Variants in ABL1 observed in about 807,000 individuals in gnomAD.
The protein encoded by ABL1 is tyrosine-protein kinase ABL1.
A neutral mutation model predicts 94.7 loss-of-function variants in ABL1; 11 were observed. The observed-to-expected ratio is 0.12, with a 90% CI of 0.07 to 0.19. The LOEUF is 0.19. Ranked by LOEUF, ABL1 falls within the 10% of genes least tolerant of loss-of-function variation. The pLI, the probability that ABL1 is intolerant of heterozygous loss-of-function variation, is 1.00. For missense variants in ABL1, 1,082 were observed against 1,489.4 expected, an observed-to-expected ratio of 0.73 and a Z score of 4.50; for synonymous variants, 656 against 622.4, an observed-to-expected ratio of 1.05 and a Z score of -0.80.
At chr9:130,766,873 C>A (rs1330319988) in intron 1 of ABL1, among the ~76,000 whole-genome samples, 1 of 152,212 alleles carries the variant, frequency 6.6e-6, no homozygotes, top group Non-Finnish European at 1.5e-5. Context: ...TAGAAACTTA[C>A]ATCAGATCTT....
intron 1 of ABL1, among the ~76,000 whole-genome samples, chr9:130,726,196 A>G (rs1275365248): frequency 9.4e-6 from 1 of 106,252 alleles, no homozygotes; most frequent in African/African-American, 5.3e-5. Flanking sequence ...TGCATACAGA[A>G]AGGGGCACAA....
At chr9:130,735,414 C>T (rs1240386460) in intron 1 of ABL1, among the ~76,000 whole-genome samples, 1 of 151,910 alleles carries the variant, frequency 6.6e-6, no homozygotes, top group African/African-American at 2.4e-5. Context: ...CAGAAGCTTG[C>T]TTGCACCTCT....
At chr9:130,842,373 A>G (rs927410336) in intron 1 of ABL1, among the ~76,000 whole-genome samples, 1 of 152,258 alleles carries the variant, frequency 6.6e-6, no homozygotes, top group Non-Finnish European at 1.5e-5. Flanking sequence ...ATTAAGTTGC[A>G]TAAACTTTAA....
In ABL1 at chr9:130,880,660, G is replaced by A. The variant is rs79963149; in HGVS notation, c.1674G>A (p.Glu558=). 1.5e-4 allele frequency: 250 copies of A among 1,613,214 alleles called. No individual in the cohort carries two copies. The African/African-American group carries it at 3.1e-3, about 20-fold the overall frequency. ...PEMPHSKGQG[E]SDPLDHEPAV... The stretch of plus-strand genomic sequence containing the variant: ...TGCCTCACTCCAAGGGCCAGGGAGA[G>A]AGCGGTAAGTCCCCCGCTTCCCCCA... Residue 558 remains glutamate, a synonymous_variant, in exon 10 of 11, where the codon GAG becomes GAA. Transcript: ENST00000318560. The surrounding 1 kb of genome is among the most constrained non-coding windows in gnomAD (Gnocchi z 4.4).
chr9:130,822,070 C>T (rs1830370475), intron 1 of ABL1, among the ~76,000 whole-genome samples: 1 of 152,088 alleles, frequency 6.6e-6, no homozygotes, highest in Non-Finnish European at 1.5e-5. Context: ...ACTCTCCTGA[C>T]CTCGTGATCT....
intron 1 of ABL1, among the ~76,000 whole-genome samples, chr9:130,836,392 G>A (rs989484871): frequency 6.6e-6 from 1 of 152,048 alleles, no homozygotes; most frequent in East Asian, 1.9e-4. Context: ...CTTCACTTTC[G>A]TAGCTTCTAG....
intron 1 of ABL1, among the ~76,000 whole-genome samples, chr9:130,797,406 G>A (rs182183531): frequency 3.3e-5 from 5 of 152,032 alleles, no homozygotes; most frequent in Admixed American, 6.6e-5. Flanking sequence ...ACAAGTACTC[G>A]CTCTATTGCC....
intron 1 of ABL1, among the ~76,000 whole-genome samples, chr9:130,722,069 A>G (rs948583401): frequency 1.3e-5 from 2 of 150,916 alleles, no homozygotes; most frequent in African/African-American, 2.4e-5. Context: ...GGCGTGAGCC[A>G]CCGTGCCTGG....
At chr9:130,713,320 C>CGCT (rs1389973209) in exon 1 of ABL1, among the ~76,000 whole-genome samples, 2 of 152,222 alleles carry the variant, frequency 1.3e-5, no homozygotes, top group Non-Finnish European at 2.9e-5. Context: ...GCCCGCCTTC[C>CGCT]GCTGTCTGGG....
intron 1 of ABL1, among the ~76,000 whole-genome samples, chr9:130,782,419 T>A (rs931868217): frequency 1.3e-5 from 2 of 152,158 alleles, no homozygotes; most frequent in Non-Finnish European, 2.9e-5. Context: ...TAGTAGTGGA[T>A]CTCATGACTA....
chr9:130,823,687 G>A (rs1372989492), intron 1 of ABL1, among the ~76,000 whole-genome samples: 2 of 152,200 alleles, frequency 1.3e-5, no homozygotes. Context: ...TGACCCAGAA[G>A]TCTTACACAG....
At chr9:130,772,836 A>G (rs576196763) in intron 1 of ABL1, among the ~76,000 whole-genome samples, 1 of 152,344 alleles carries the variant, frequency 6.6e-6, no homozygotes, top group African/African-American at 2.4e-5. Context: ...ATGATAGACA[A>G]ACTTTAGGGA....
upstream of ABL1, among the ~76,000 whole-genome samples, chr9:130,833,833 C>T (rs1244287624): frequency 6.6e-6 from 1 of 152,116 alleles, no homozygotes; most frequent in Non-Finnish European, 1.5e-5. Flanking sequence ...TCCTGAGGTA[C>T]TGAAGATACC....
intron 1 of ABL1, among the ~76,000 whole-genome samples, chr9:130,722,177 G>A (rs1167841544): frequency 2.6e-5 from 4 of 151,998 alleles, no homozygotes; most frequent in Non-Finnish European, 5.9e-5. Context: ...TGGATCACCT[G>A]AAGTCAGGAG....
chr9:130,805,217 C>T (rs983835450), intron 1 of ABL1, among the ~76,000 whole-genome samples: 8 of 152,186 alleles, frequency 5.3e-5, no homozygotes, highest in Admixed American at 4.6e-4. Context: ...GCTGGGACTA[C>T]AGGCACATGC....
At chr9:130,838,615 G>T (rs1830623700) in intron 1 of ABL1, among the ~76,000 whole-genome samples, 1 of 152,048 alleles carries the variant, frequency 6.6e-6, no homozygotes, top group Non-Finnish European at 1.5e-5. Context: ...AGCTTTTTGT[G>T]AATATGCATG....
At chr9:130,730,203 C>T (rs1434484205) in intron 1 of ABL1, among the ~76,000 whole-genome samples, 1 of 151,912 alleles carries the variant, frequency 6.6e-6, no homozygotes, top group Non-Finnish European at 1.5e-5. Context: ...CCACCAAACC[C>T]AGCTAATTTT....
At chr9:130,819,898 G>C (rs1421934281) in intron 1 of ABL1, among the ~76,000 whole-genome samples, 1 of 147,430 alleles carries the variant, frequency 6.8e-6, no homozygotes, top group African/African-American at 2.5e-5. Context: ...CTTCTACTTT[G>C]CTGTGACTTC....
At position 130,805,088 on chromosome 9, in the gene ABL1, T is replaced by C. The variant is rs143914775; in HGVS notation, c.137-48976T>C. On this transcript the variant is annotated intron_variant, in intron 1 of 10. Transcript: ENST00000372348. ...TTTTCTTTTCTGTTTTGTTTGTTTG[T>C]TTGTTTGAGACAGAGTCTCGCACTG... Among the ~76,000 whole-genome samples, 4 of 152,352 alleles carry C rather than the reference T, an allele frequency of 2.6e-5. No individual in the cohort carries two copies. The East Asian group carries it at 7.7e-4, about 29-fold the overall frequency.
Sources: allele counts gnomAD v4.1 joint callset (sites outside exome capture counted in the v4.1 genomes callset), GRCh38; gene constraint gnomAD v4.1.1; non-coding constraint Gnocchi (gnomAD v3.1); transcripts MANE v1.5; gene names NCBI Gene and HGNC (gene_info 2026-07-23, HGNC 2026-07-21).